RILPL1: variants seen among roughly 807,000 people sequenced by gnomAD.
RILPL1 encodes the protein RILP-like protein 1.
RILPL1 carries 33 observed loss-of-function variants against 50.3 expected under a neutral mutation model. That is an observed-to-expected ratio of 0.66 (90% confidence interval 0.50 to 0.88). The LOEUF (loss-of-function observed/expected upper bound fraction) is 0.88, where lower values mean the gene tolerates loss of function less well. Ranked by LOEUF, RILPL1 falls within the 40% of genes least tolerant of loss-of-function variation. The pLI, the probability that RILPL1 is intolerant of heterozygous loss-of-function variation, is 0.00. For synonymous variants in RILPL1, 205 were observed against 228.6 expected (o/e 0.90, Z 0.93); for missense variants, 418 against 542.5 (o/e 0.77, Z 2.28).
At chr12:123,513,487 G>A (rs1388259988) in intron 2 of RILPL1, 2 of 233,354 alleles carry the variant, frequency 8.6e-6, no homozygotes, top group Non-Finnish European at 1.8e-5. Context: ...GGCAGCCGTA[G>A]GAGCTATGAG....
At chr12:123,528,358 C>T (rs867376474) in intron 1 of RILPL1, among the ~76,000 whole-genome samples, 1 of 130,332 alleles carries the variant, frequency 7.7e-6, no homozygotes, top group Non-Finnish European at 1.6e-5. Flanking sequence ...GATGCTGTCT[C>T]AAAAAAAAAA....
intron 2 of RILPL1, among the ~76,000 whole-genome samples, chr12:123,512,016 C>CTGTGTGTGTAGTGTGTGAGGTT (rs1884310443): frequency 8.0e-5 from 6 of 74,888 alleles, no homozygotes; most frequent in African/African-American, 3.2e-4. Flanking sequence ...TGTGTGAGGT[C>CTGTGTGTGTAGTGTGTGAGGTT]TGTGTGTGTA....
At chr12:123,518,830 A>G (rs947134928) in intron 2 of RILPL1, among the ~76,000 whole-genome samples, 5 of 151,986 alleles carry the variant, frequency 3.3e-5, no homozygotes, top group South Asian at 2.1e-4. Flanking sequence ...AGGCCGAGGC[A>G]GGCGGATCAT....
chr12:123,525,437 T>C (rs1885216267), intron 1 of RILPL1, among the ~76,000 whole-genome samples: 1 of 148,590 alleles, frequency 6.7e-6, no homozygotes, highest in Non-Finnish European at 1.5e-5. Flanking sequence ...TGGTGGATCA[T>C]GCCTGTAACC....
chr12:123,513,071 T>TG (rs1884466220), intron 2 of RILPL1, among the ~76,000 whole-genome samples: 1 of 150,134 alleles, frequency 6.7e-6, no homozygotes. Flanking sequence ...TCTGCGTGTG[T>TG]GCTGTGTGCA....
chr12:123,512,166 T>G (rs1884344229), intron 2 of RILPL1, among the ~76,000 whole-genome samples: 1 of 123,684 alleles, frequency 8.1e-6, no homozygotes, highest in South Asian at 2.8e-4. Context: ...GTGTGTGAGG[T>G]CTGTGTGTGT....
rs187980484 is a variant in RILPL1 at position 123,530,151 on chromosome 12, T to C, written c.309+3023A>G. ...TGGGTCCCATAAGATATATTAAAATTAACCTCACTGGTTTGTTGTTGTTGT... is the reference window on the plus strand; with the variant it reads ...TGGGTCCCATAAGATATATTAAAATCAACCTCACTGGTTTGTTGTTGTTGT... On this transcript the variant is annotated intron_variant, in intron 1 of 6. Coordinates refer to ENST00000376874, the MANE Select transcript of RILPL1 (RefSeq NM_178314.5). Among the ~76,000 whole-genome samples, 7 of 152,306 alleles carry C rather than the reference T, an allele frequency of 4.6e-5. No individual in the cohort carries two copies. The East Asian group carries it at 9.6e-4, about 21-fold the overall frequency.
At chr12:123,477,337 C>CTTTTTTTTTTTTT (rs371346379) in intron 6 of RILPL1, among the ~76,000 whole-genome samples, 9 of 105,374 alleles carry the variant, frequency 8.5e-5, no homozygotes, top group African/African-American at 1.9e-4. Flanking sequence ...TTCTTTCTTT[C>CTTTTTTTTTTTTT]TTTTTTTTTT....
intron 1 of RILPL1, among the ~76,000 whole-genome samples, chr12:123,528,572 C>T (rs189025006): frequency 3.4e-3 from 509 of 151,734 alleles, no homozygotes; most frequent in African/African-American, 0.011. Flanking sequence ...GGACCACAGG[C>T]GCCCGCCACC....
intron 1 of RILPL1, among the ~76,000 whole-genome samples, chr12:123,528,703 G>A (rs1265007956): frequency 6.6e-6 from 1 of 152,106 alleles, no homozygotes; most frequent in Non-Finnish European, 1.5e-5. Context: ...TGGGATTACA[G>A]GCTTGAGCCA....
In RILPL1 at chr12:123,532,708, G is replaced by C. The variant is rs1051643151; in HGVS notation, c.309+466C>G. 2.2e-5 allele frequency among the ~76,000 whole-genome samples: 3 copies of C among 134,216 alleles called. 1 individual carries two copies. The highest frequency in any genetic ancestry group is 9.0e-5 in the African/African-American group (3 of 33,420). 88.1% of individuals were successfully genotyped at this position (134,216 alleles called of 152,430 possible). A position where few individuals can be genotyped will look rare whatever the true frequency, so the allele number is the denominator to read the frequency against. On this transcript the variant is annotated intron_variant, in intron 1 of 6. Transcript: ENST00000376874. Reference sequence around the variant, plus strand: ...TCCCTTTGCTCTGGGGAGACTGGGGGGGGGGGGGATGAAGAAAGGGTCCTG... The same window carrying C: ...TCCCTTTGCTCTGGGGAGACTGGGGCGGGGGGGGATGAAGAAAGGGTCCTG...
At chr12:123,492,019 T>TAAATA (rs1162642107) in intron 4 of RILPL1, among the ~76,000 whole-genome samples, 90 of 150,768 alleles carry the variant, frequency 6.0e-4, no homozygotes, top group African/African-American at 1.9e-3. Flanking sequence ...AATAAATAAA[T>TAAATA]AAATAAAATA....
chr12:123,512,760 ATGTGTGAGGTCTGTGTGTGGTG>A, intron 2 of RILPL1, among the ~76,000 whole-genome samples: 1 of 46,602 alleles, frequency 2.1e-5, no homozygotes, highest in Non-Finnish European at 4.3e-5. Context: ...TGTGTGTGGT[ATGTGTGAGGTCTGTGTGTGGTG>A]TGTGAGGTTT....
intron 2 of RILPL1, among the ~76,000 whole-genome samples, chr12:123,506,303 G>C (rs1017764570): frequency 1.3e-5 from 2 of 152,210 alleles, no homozygotes; most frequent in Admixed American, 1.3e-4. Context: ...AGAGGCCATG[G>C]GGGTGATGCA....
chr12:123,493,534 A>G (rs1882832577), intron 4 of RILPL1, among the ~76,000 whole-genome samples: 1 of 152,162 alleles, frequency 6.6e-6, no homozygotes, highest in Non-Finnish European at 1.5e-5. Flanking sequence ...CCACCTTATG[A>G]GAAACACCCA....
In RILPL1 at chr12:123,496,272, C is replaced by T. The variant is rs549604059; in HGVS notation, c.801+2272G>A. ...CAAGTGATCTGCCTGCCTCGGTCTCCCAAAGTGCTGGGATTACAGGTGTGA... is the reference window on the plus strand; with the variant it reads ...CAAGTGATCTGCCTGCCTCGGTCTCTCAAAGTGCTGGGATTACAGGTGTGA... On this transcript the variant is annotated intron_variant, in intron 4 of 6. Transcript: ENST00000376874. 2.0e-5 allele frequency among the ~76,000 whole-genome samples: 3 copies of T among 152,212 alleles called. No homozygotes were observed. The South Asian group carries it at 6.2e-4, about 32-fold the overall frequency.
At chr12:123,500,497 C>G (rs1006622425) in intron 2 of RILPL1, among the ~76,000 whole-genome samples, 3 of 149,274 alleles carry the variant, frequency 2.0e-5, no homozygotes, top group Non-Finnish European at 4.5e-5. Flanking sequence ...GTTGACCAGG[C>G]TGGTCTCAAA....
chr12:123,511,204 CTGTATG>C (rs1884151877), intron 2 of RILPL1, among the ~76,000 whole-genome samples: 4 of 69,142 alleles, frequency 5.8e-5, no homozygotes, highest in Admixed American at 1.7e-4. Context: ...TGTGTGAGGT[CTGTATG>C]TGTGTGTGTG....
intron 2 of RILPL1, among the ~76,000 whole-genome samples, chr12:123,507,380 C>T (rs1004690398): frequency 6.6e-6 from 1 of 151,174 alleles, no homozygotes; most frequent in Admixed American, 6.6e-5. Context: ...CACTGCAATA[C>T]AGGGAGACCT....
Sources: allele counts gnomAD v4.1 joint callset (sites outside exome capture counted in the v4.1 genomes callset), GRCh38; gene constraint gnomAD v4.1.1; transcripts MANE v1.5; gene names NCBI Gene and HGNC (gene_info 2026-07-23, HGNC 2026-07-21).